Variants in TM6SF2 observed in about 807,000 individuals in gnomAD.
The protein encoded by TM6SF2 is transmembrane 6 superfamily member 2.
A neutral mutation model predicts 41.0 loss-of-function variants in TM6SF2; 29 were observed. The observed-to-expected ratio is 0.71, with a 90% CI of 0.53 to 0.96. The LOEUF (loss-of-function observed/expected upper bound fraction) is 0.96. Among genes scored for constraint, TM6SF2 ranks in the 50% least tolerant of loss-of-function variants. TM6SF2 has a pLI of 0.00. For synonymous variants in TM6SF2, 200 were observed against 209.1 expected, an observed-to-expected ratio of 0.96 and a Z score of 0.37; for missense variants, 475 against 499.0, an observed-to-expected ratio of 0.95 and a Z score of 0.46.
At chr19:19,267,954 G>A in intron 7 of TM6SF2, 32 bp downstream of exon 7, 3 of 1,434,094 alleles carry the variant, frequency 2.1e-6, no homozygotes, top group Non-Finnish European at 2.9e-6. Flanking sequence ...ACTGGTGGCA[G>A]GGGAGGGGGA....
chr19:19,266,500 C>A lies in TM6SF2; in HGVS notation c.914G>T (p.Gly305Val). 1 of 1,613,944 alleles carries A rather than the reference C, an allele frequency of 6.2e-7. No individual in the cohort carries two copies. Among genetic ancestry groups the A allele is most frequent in the Non-Finnish European group, 8.5e-7 (1 of 1,179,908 alleles). Residue 305 changes from glycine (G) to valine (V), a missense_variant, in exon 9 of 10, where the codon GGC becomes GTC. By Grantham distance (109) the Gly-to-Val change is moderately radical (BLOSUM62 -3). This residue lies in a region of TM6SF2 where 190 missense variants were observed against 190.2 expected (regional missense o/e 1.00). Transcript: ENST00000389363. ...CATCCGCCACCTCACCTGGCCGATG[C>A]CTCCAGCAAACACCAAGGCCCAGTC... is the stretch of plus-strand genomic sequence containing the variant. ...LPDWALVFAG[G>V]IGQAQFSHMG... is the part of the protein sequence containing the mutation.
chr19:19,270,556 A>G, intron 2 of TM6SF2, 114 bp from the exon 3 acceptor site: 1 of 1,327,162 alleles, frequency 7.5e-7, no homozygotes, highest in Non-Finnish European at 1.0e-6. Flanking sequence ...TATTCCAGGC[A>G]AGGACTCCAG....
chr19:19,273,061 T>TTGGCCCCCCCCCCCCCCCCC, intron 1 of TM6SF2, 60 bp downstream of exon 1: 1 of 305,470 alleles, frequency 3.3e-6, no homozygotes, highest in Non-Finnish European at 6.1e-6. Context: ...CCTCCAGTCC[T>TTGGCCCCCCCCCCCCCCCCC]CCCCGCCCCC....
chr19:19,264,965 A>ACCCAGGGGATG lies in TM6SF2; in HGVS notation c.925-103_925-93dup, dbSNP rs2060997813. 6 of 874,816 alleles carry ACCCAGGGGATG rather than the reference A, an allele frequency of 6.9e-6. No homozygotes were observed. The South Asian group carries it at 1.3e-4, about 20-fold the overall frequency. The allele number at this position is 874,816 out of a possible 1,614,324, so 54.2% of individuals were successfully genotyped here. A position where few individuals can be genotyped will look rare whatever the true frequency, so the allele number is the denominator to read the frequency against. On this transcript the variant is annotated intron_variant, in intron 9 of 9. Transcript: ENST00000389363. ...CAGCCCCCCAGGTAGGTCAGGCAGA[A>ACCCAGGGGATG]CCCAGGGGATGCCCATCCCCACCTC...
intron 9 of TM6SF2, among the ~76,000 whole-genome samples, chr19:19,265,235 A>G (rs1200097642): frequency 1.3e-5 from 2 of 151,738 alleles, no homozygotes; most frequent in Non-Finnish European, 2.9e-5. Context: ...TTTAGTAGAG[A>G]TGGGGTATCA....
chr19:19,270,079 C>A, intron 4 of TM6SF2, 94 bp downstream of exon 4: 5 of 1,569,892 alleles, frequency 3.2e-6, no homozygotes, highest in Non-Finnish European at 4.3e-6. Flanking sequence ...ATTTCTCCTA[C>A]AGACACTTCT....
intron 6 of TM6SF2, 87 bp from the exon 7 acceptor site, chr19:19,268,174 TC>T: frequency 1.2e-6 from 1 of 858,126 alleles, no homozygotes; most frequent in Admixed American, 3.2e-5. Flanking sequence ...CTAAGGCTCC[TC>T]CCTTCTTTCT....
At chr19:19,271,407 G>A (rs1739687946) in intron 1 of TM6SF2, among the ~76,000 whole-genome samples, 2 of 152,142 alleles carry the variant, frequency 1.3e-5, no homozygotes, top group South Asian at 4.1e-4. Flanking sequence ...TCCATGAAGC[G>A]CTCCCTGACT....
chr19:19,273,232 C>A lies in TM6SF2; in HGVS notation c.-17G>T, dbSNP rs1404799039. On this transcript the variant is annotated 5_prime_UTR_variant, in exon 1 of 10. Transcript: ENST00000389363. ...GATGTCCATAGCGGCGGCTGCTGGA[C>A]CCCGGCTCAGCCCCGACGCGTTCTC... The A allele has an allele frequency of 9.3e-6, 13 of 1,393,278 alleles. No individual in the cohort carries two copies. Among genetic ancestry groups the A allele is most frequent in the Non-Finnish European group, 1.2e-5 (13 of 1,074,396 alleles). The allele number at this position is 1,393,278 out of a possible 1,614,324, so 86.3% of individuals were successfully genotyped here.
In TM6SF2 at chr19:19,270,187, G is replaced by A; in HGVS notation, c.387C>T (p.Gly129=). ...GCCTCCTGCACCTTCTGCAGATGGC[G>A]CCGGCCATGGCCAGGTAGAGGAGGT... is the stretch of plus-strand genomic sequence containing the variant. ...VHYLLYLAMA[G]AICRRKRYRN... is the part of the protein sequence containing the mutation. The change falls in exon 4 of 10, where the codon GGC becomes GGT. Residue 129 remains glycine, a synonymous_variant. Coordinates refer to ENST00000389363, the MANE Select transcript of TM6SF2 (RefSeq NM_001001524.3). The A allele has an allele frequency of 3.7e-6, 6 of 1,613,652 alleles. No individual in the cohort carries two copies. The highest frequency in any genetic ancestry group is 2.2e-5 in the East Asian group (1 of 44,868).
At chr19:19,270,493 TG>T in intron 2 of TM6SF2, 51 bp from the exon 3 acceptor site, 1 of 1,562,784 alleles carries the variant, frequency 6.4e-7, no homozygotes, top group Non-Finnish European at 8.7e-7. Context: ...CACGTGTGGG[TG>T]GGGCTAGGGC....
Position 19,266,608 on chromosome 19 carries a change from A to T in TM6SF2, c.806T>A (p.Met269Lys). 6.2e-7 allele frequency: 1 copy of T among 1,612,728 alleles called. No homozygotes were observed. Among genetic ancestry groups the T allele is most frequent in the East Asian group, 2.2e-5 (1 of 44,826 alleles). ...RDPVAYPKVQMLMYMFYVLPF... is the reference protein window; with the variant it reads ...RDPVAYPKVQKLMYMFYVLPF... ...CAGGACATAAAACATGTACATCAGC[A>T]TCTGCAGGGGCGGGAGGAGAGGGGC... is the stretch of plus-strand genomic sequence containing the variant. The change falls in exon 9 of 10, where the codon ATG (methionine) becomes AAG (lysine). Residue 269 changes from methionine to lysine, a missense_variant and splice_region_variant. This residue lies in a region of TM6SF2 where 190 missense variants were observed against 190.2 expected (regional missense o/e 1.00). Coordinates refer to ENST00000389363, the MANE Select transcript of TM6SF2 (RefSeq NM_001001524.3).
In TM6SF2 at chr19:19,270,995, C is replaced by G. The variant is rs1345796501; in HGVS notation, c.199+27G>C. On this transcript the variant is annotated intron_variant, in intron 2 of 9. Transcript: ENST00000389363. ...TGGAGGCCCTTGCCTGGACAGTCTT[C>G]TTCCCCACAGCTTCCCACTGACTCA... The G allele has an allele frequency of 2.5e-6, 4 of 1,602,104 alleles. No homozygotes were observed. In the South Asian group the frequency reaches 4.4e-5, roughly 18 times the overall value.
chr19:19,268,201 CTTTTTTCTTTTTTTTT>C (rs2061010405), intron 6 of TM6SF2, 114 bp from the exon 7 acceptor site: 7 of 670,426 alleles, frequency 1.0e-5, no homozygotes, highest in Non-Finnish European at 2.4e-6. Context: ...TCTTTTTTTT[CTTTTTTCTTTTTTTTT>C]TTTTTTGAGA....
chr19:19,269,525 G>A (rs2061015225), intron 5 of TM6SF2, among the ~76,000 whole-genome samples, 162 bp downstream of exon 5: 1 of 152,210 alleles, frequency 6.6e-6, no homozygotes, highest in South Asian at 2.1e-4. Flanking sequence ...AACAGGGACC[G>A]GAAAGGGGTG....
intron 8 of TM6SF2, among the ~76,000 whole-genome samples, chr19:19,267,367 T>TAAA (rs764335067): frequency 8.5e-6 from 1 of 116,960 alleles, no homozygotes; most frequent in Non-Finnish European, 1.9e-5. Flanking sequence ...AAACTCTGTT[T>TAAA]AAAAAAAAAA....
chr19:19,267,367 TAAA>T lies in TM6SF2; in HGVS notation c.804+251_804+253del, dbSNP rs764335067. The stretch of plus-strand genomic sequence containing the variant: ...TGGGCCACAAGAGCAAAACTCTGTT[TAAA>T]AAAAAAAAAAAAAAAGAAAAAGAAA... On this transcript the variant is annotated intron_variant, in intron 8 of 9. Transcript: ENST00000389363. 6.0e-3 allele frequency among the ~76,000 whole-genome samples: 697 copies of T among 116,976 alleles called. 3 individuals are homozygous for T. The highest frequency in any genetic ancestry group is 0.038 in the South Asian group (151 of 3,968). The allele number at this position is 116,976 out of a possible 152,430, so 76.7% of individuals were successfully genotyped here.
In TM6SF2 at chr19:19,267,707, G is replaced by A. The variant is rs1181949601; in HGVS notation, c.718C>T (p.Leu240Phe). The change falls in exon 8 of 10, where the codon CTT (leucine) becomes TTT (phenylalanine). Residue 240 changes from leucine (L) to phenylalanine (F), a missense_variant. By Grantham distance (22) the Leu-to-Phe change is conservative. This residue lies in a region of TM6SF2 where 190 missense variants were observed against 190.2 expected (regional missense o/e 1.00). Transcript: ENST00000389363. ...AAGCAGGCATCTGTGGGGCAATCAAGCACCACCTGGAGCAGACAGACATAC... is the reference window on the plus strand; with the variant it reads ...AAGCAGGCATCTGTGGGGCAATCAAACACCACCTGGAGCAGACAGACATAC... ...FFTLFRGLVV[L>F]DCPTDACFVY... 12 of 1,613,424 alleles carry A rather than the reference G, an allele frequency of 7.4e-6. No homozygotes were observed. Among genetic ancestry groups the A allele is most frequent in the Admixed American group, 1.7e-5 (1 of 59,926 alleles).
In TM6SF2 at chr19:19,266,495, C is replaced by T. The variant is rs199661804; in HGVS notation, c.919G>A (p.Gly307Ser). Residue 307 changes from glycine (G) to serine (S), a missense_variant, in exon 9 of 10, where the codon GGC becomes AGC. By Grantham distance (56) the Gly-to-Ser change is moderately conservative. This residue lies in a region of TM6SF2 where 190 missense variants were observed against 190.2 expected (regional missense o/e 1.00). Transcript: ENST00000389363. ...DWALVFAGGI[G>S]QAQFSHMGAS... ...CCACCCATCCGCCACCTCACCTGGCCGATGCCTCCAGCAAACACCAAGGCC... is the reference window on the plus strand; with the variant it reads ...CCACCCATCCGCCACCTCACCTGGCTGATGCCTCCAGCAAACACCAAGGCC... 9.7e-5 allele frequency: 156 copies of T among 1,613,884 alleles called. No individual in the cohort carries two copies. In the East Asian group the frequency reaches 3.1e-3, roughly 32 times the overall value.
Sources: allele counts gnomAD v4.1 joint callset (sites outside exome capture counted in the v4.1 genomes callset), GRCh38; gene constraint gnomAD v4.1.1; regional missense constraint gnomAD v4.1.1; transcripts MANE v1.5; gene names NCBI Gene and HGNC (gene_info 2026-07-23, HGNC 2026-07-21).